Variants in SPATA13 observed in about 807,000 individuals in gnomAD.
The protein encoded by SPATA13 is spermatogenesis associated 13, also known as spermatogenesis-associated protein 13.
A neutral mutation model predicts 104.0 loss-of-function variants in SPATA13; 50 were observed. The ratio of observed to expected loss-of-function variants is 0.48; its 90% confidence interval spans 0.38 to 0.61. SPATA13 has a LOEUF of 0.61. Ranked by LOEUF, SPATA13 falls within the 20% of genes least tolerant of loss-of-function variation. The pLI, the probability that SPATA13 is intolerant of heterozygous loss-of-function variation, is 0.00. For missense variants in SPATA13, 1,524 were observed against 1,690.6 expected (o/e 0.90, Z 1.73); for synonymous variants, 606 against 667.5 (o/e 0.91, Z 1.42).
At chr13:23,997,747 G>C (rs1210225223) in intron 2 of SPATA13, among the ~76,000 whole-genome samples, 1 of 152,040 alleles carries the variant, frequency 6.6e-6, no homozygotes, top group African/African-American at 2.4e-5. Context: ...GGGAGTGAGG[G>C]GGAGGTGCCA....
At chr13:24,270,083 T>C (rs995475712) in intron 4 of SPATA13, among the ~76,000 whole-genome samples, 1 of 152,106 alleles carries the variant, frequency 6.6e-6, no homozygotes, top group Non-Finnish European at 1.5e-5. Flanking sequence ...ATTACCTCAT[T>C]GTTCATAAAG....
In SPATA13 at chr13:24,222,816, C is replaced by A; in HGVS notation, c.-111-3C>A. The A allele has an allele frequency of 6.6e-7, 1 of 1,511,056 alleles. No homozygotes were observed. The highest frequency in any genetic ancestry group is 8.9e-7 in the Non-Finnish European group (1 of 1,124,214). The allele number at this position is 1,511,056 out of a possible 1,614,324, so 93.6% of individuals were successfully genotyped here. A position where few individuals can be genotyped will look rare whatever the true frequency, so the allele number is the denominator to read the frequency against. On this transcript the variant is annotated splice_region_variant and splice_polypyrimidine_tract_variant and intron_variant, in intron 1 of 12. Coordinates refer to ENST00000382108, the MANE Select transcript of SPATA13 (RefSeq NM_001166271.3). The stretch of plus-strand genomic sequence containing the variant: ...AAACCGCCTGCTTTGTCTTTCACTG[C>A]AGCCCGTGGCCACCCAGGAGCCCGA...
chr13:24,033,535 C>T (rs17428693), intron 3 of SPATA13: 36,231 of 152,344 alleles, frequency 0.24, 4,549 homozygotes, highest in Admixed American at 0.28. Flanking sequence ...TGGAAGAAGA[C>T]CCTGAGGAGA....
chr13:24,068,046 G>T (rs1035602213), intron 3 of SPATA13, among the ~76,000 whole-genome samples: 5 of 152,104 alleles, frequency 3.3e-5, no homozygotes, highest in East Asian at 1.9e-4. Flanking sequence ...ACATGTGTAT[G>T]TTCATTAGAT....
rs562059443 is a variant in SPATA13 at position 24,091,697 on chromosome 13, G to C, written c.-112+73996G>C. On this transcript the variant is annotated intron_variant, in intron 3 of 14. Transcript: ENST00000424834. ...GTGGTGGTGTGCACCTGTAATCCCA[G>C]GTACTAAGGAGGCTGAGGCAGGAGA... 2.0e-5 allele frequency among the ~76,000 whole-genome samples: 3 copies of C among 152,296 alleles called. No individual in the cohort carries two copies. The East Asian group carries it at 5.8e-4, about 29-fold the overall frequency.
At chr13:24,064,434 T>C (rs1297631003) in intron 3 of SPATA13, among the ~76,000 whole-genome samples, 1 of 152,112 alleles carries the variant, frequency 6.6e-6, no homozygotes, top group African/African-American at 2.4e-5. Flanking sequence ...TCCTAACCCC[T>C]AGTAAGAGGC....
At chr13:24,155,044 GC>G (rs1302062696) in intron 3 of SPATA13, among the ~76,000 whole-genome samples, 1 of 152,024 alleles carries the variant, frequency 6.6e-6, no homozygotes. Flanking sequence ...TTTTACTAGA[GC>G]CAGGGTTTCA....
chr13:24,094,776 A>T (rs1382624617), intron 3 of SPATA13, among the ~76,000 whole-genome samples: 1 of 152,198 alleles, frequency 6.6e-6, no homozygotes, highest in African/African-American at 2.4e-5. Context: ...GTGTCTAAAA[A>T]TTAATATGTA....
upstream of SPATA13, among the ~76,000 whole-genome samples, chr13:24,160,096 G>A (rs184579303): frequency 6.6e-6 from 1 of 152,306 alleles, no homozygotes; most frequent in East Asian, 1.9e-4. Flanking sequence ...AAACATGTAG[G>A]TTTAAAAATC....
intron 12 of SPATA13, among the ~76,000 whole-genome samples, chr13:24,302,204 A>T (rs1877236114): frequency 1.3e-5 from 2 of 152,246 alleles, no homozygotes; most frequent in Non-Finnish European, 2.9e-5. Flanking sequence ...AGTGAGAGAG[A>T]CTGTGTCACG....
chr13:24,019,107 G>A (rs979491917), intron 3 of SPATA13, among the ~76,000 whole-genome samples: 3 of 74,072 alleles, frequency 4.1e-5, no homozygotes, highest in Non-Finnish European at 9.4e-5. Flanking sequence ...TTTTTTTTTT[G>A]AGACGGAGTC....
At chr13:24,278,820 A>C in intron 4 of SPATA13, 1 of 1,595,898 alleles carries the variant, frequency 6.3e-7, no homozygotes, top group Non-Finnish European at 8.5e-7. Context: ...TATCATTTGA[A>C]GGCAAGTTCA....
intron 2 of SPATA13, among the ~76,000 whole-genome samples, chr13:23,996,601 G>T (rs1875705782): frequency 1.2e-5 from 1 of 82,474 alleles, no homozygotes; most frequent in South Asian, 3.1e-4. Flanking sequence ...TTAATGGTTG[G>T]CCACCTGTGC....
chr13:24,108,139 G>C (rs1029505726), intron 3 of SPATA13, among the ~76,000 whole-genome samples: 4 of 152,184 alleles, frequency 2.6e-5, no homozygotes. Flanking sequence ...CCGGCTGCAG[G>C]GGGAAGGGGG....
intron 1 of SPATA13, among the ~76,000 whole-genome samples, chr13:24,198,211 T>C (rs1438093771): frequency 6.6e-6 from 1 of 152,110 alleles, no homozygotes; most frequent in Non-Finnish European, 1.5e-5. Context: ...GCCAGGCTGG[T>C]CTTGAACTCC....
At chr13:24,295,863 G>A (rs1465265719) in intron 10 of SPATA13, among the ~76,000 whole-genome samples, 1 of 152,100 alleles carries the variant, frequency 6.6e-6, no homozygotes, top group African/African-American at 2.4e-5. Context: ...GAAAACTGAA[G>A]CACAGAAAGG....
intron 1 of SPATA13, among the ~76,000 whole-genome samples, chr13:24,163,855 C>T (rs9318363): frequency 0.4 from 60,613 of 152,090 alleles, 12,493 homozygotes; most frequent in East Asian, 0.59. Flanking sequence ...GTTTCTTTCC[C>T]CTTCCTTTCC....
At chr13:24,227,093 C>G (rs933579647) in intron 2 of SPATA13, among the ~76,000 whole-genome samples, 2 of 152,158 alleles carry the variant, frequency 1.3e-5, no homozygotes, top group African/African-American at 4.8e-5. Flanking sequence ...CCTGTTTGTA[C>G]AACTGACCAA....
intron 3 of SPATA13, among the ~76,000 whole-genome samples, chr13:24,108,668 G>GGA (rs1880536206): frequency 6.6e-6 from 1 of 152,138 alleles, no homozygotes; most frequent in Non-Finnish European, 1.5e-5. Context: ...GTAGGGGGGG[G>GGA]GAAGCCTGAT....
Sources: allele counts gnomAD v4.1 joint callset (sites outside exome capture counted in the v4.1 genomes callset), GRCh38; gene constraint gnomAD v4.1.1; transcripts MANE v1.5; gene names NCBI Gene and HGNC (gene_info 2026-07-23, HGNC 2026-07-21).